Variants in CNTNAP2 observed in about 807,000 individuals in gnomAD.
The protein encoded by CNTNAP2 is contactin associated protein 2.
CNTNAP2 carries 98 observed loss-of-function variants against 155.2 expected under a neutral mutation model. The observed-to-expected ratio is 0.63, with a 90% CI of 0.54 to 0.75. The LOEUF is 0.75. Ranked by LOEUF, CNTNAP2 falls within the 30% of genes least tolerant of loss-of-function variation. The pLI, the probability that CNTNAP2 is intolerant of heterozygous loss-of-function variation, is 0.00. For synonymous variants in CNTNAP2, 651 were observed against 631.2 expected, an observed-to-expected ratio of 1.03 and a Z score of -0.47; for missense variants, 1,727 against 1,688.1, an observed-to-expected ratio of 1.02 and a Z score of -0.40.
At chr7:146,880,102 C>G (rs1332739845) in intron 3 of CNTNAP2, among the ~76,000 whole-genome samples, 2 of 151,946 alleles carry the variant, frequency 1.3e-5, no homozygotes, top group Non-Finnish European at 1.5e-5. Context: ...ATTATGGCAG[C>G]TAAAATTTCA....
intron 1 of CNTNAP2, among the ~76,000 whole-genome samples, chr7:146,561,255 A>G (rs781395847): frequency 3.5e-4 from 54 of 152,166 alleles, no homozygotes; most frequent in Non-Finnish European, 7.5e-4. Context: ...CCCAAAGGTA[A>G]TATCTAAATT....
chr7:146,560,023 A>G (rs1307973804), intron 1 of CNTNAP2, among the ~76,000 whole-genome samples: 1 of 152,184 alleles, frequency 6.6e-6, no homozygotes, highest in Non-Finnish European at 1.5e-5. Flanking sequence ...TCACCAGTTA[A>G]AACACTTTTA....
intron 1 of CNTNAP2, among the ~76,000 whole-genome samples, chr7:146,150,336 T>C (rs959099288): frequency 6.6e-6 from 1 of 152,064 alleles, no homozygotes; most frequent in African/African-American, 2.4e-5. Flanking sequence ...TGAGAATCTC[T>C]TGGGTAATAA....
At chr7:146,569,114 TC>T (rs1051061920) in intron 1 of CNTNAP2, among the ~76,000 whole-genome samples, 2 of 152,182 alleles carry the variant, frequency 1.3e-5, no homozygotes, top group African/African-American at 2.4e-5. Flanking sequence ...CCTCCCGGGT[TC>T]ACGCCATTCT....
Position 146,312,924 on chromosome 7 carries a change from G to A in CNTNAP2, c.97+195951G>A, listed in dbSNP as rs575590909. Among the ~76,000 whole-genome samples, 5 of 152,150 alleles carry A rather than the reference G, an allele frequency of 3.3e-5. No homozygotes were observed. In the East Asian group the frequency reaches 7.7e-4, roughly 24 times the overall value. On this transcript the variant is annotated intron_variant, in intron 1 of 23. Coordinates refer to ENST00000361727, the MANE Select transcript of CNTNAP2 (RefSeq NM_014141.6). ...TTAAGGGTATATAGTATTCCATAGTGTATATATACTGCATTTTCTGTATGC... is the reference window on the plus strand; with the variant it reads ...TTAAGGGTATATAGTATTCCATAGTATATATATACTGCATTTTCTGTATGC...
intron 22 of CNTNAP2, among the ~76,000 whole-genome samples, chr7:148,394,980 C>T (rs1369447881): frequency 3.3e-5 from 5 of 151,986 alleles, no homozygotes; most frequent in Admixed American, 2.0e-4. Flanking sequence ...AGGATAATAC[C>T]CGTTATTTTA....
At chr7:146,141,191 C>T (rs966582008) in intron 1 of CNTNAP2, among the ~76,000 whole-genome samples, 2 of 152,144 alleles carry the variant, frequency 1.3e-5, no homozygotes, top group African/African-American at 4.8e-5. Context: ...CTAAGTGGCA[C>T]AAAGGGCACC....
intron 1 of CNTNAP2, among the ~76,000 whole-genome samples, chr7:146,760,262 G>A (rs1035012293): frequency 1.3e-5 from 2 of 152,084 alleles, no homozygotes; most frequent in South Asian, 4.1e-4. Flanking sequence ...TAAGAAATCA[G>A]TAATTTTTGT....
chr7:146,713,777 A>G (rs1165249638), intron 1 of CNTNAP2, among the ~76,000 whole-genome samples: 1 of 152,174 alleles, frequency 6.6e-6, no homozygotes, highest in East Asian at 1.9e-4. Flanking sequence ...CTCTAGAAGC[A>G]GTAGATTCCT....
chr7:148,018,769 A>G (rs998645152), intron 15 of CNTNAP2, among the ~76,000 whole-genome samples: 14 of 152,236 alleles, frequency 9.2e-5, no homozygotes, highest in African/African-American at 3.1e-4. Context: ...TGGCACAAAC[A>G]GAGTTTGACT....
chr7:148,340,005 G>C lies in CNTNAP2; in HGVS notation c.3476-43644G>C, dbSNP rs1298944364. ...TGTGTGTGTGTGTGTGTGTGTGTGT[G>C]TGTGTAGGCAAAGCTGAGATTTACA... On this transcript the variant is annotated intron_variant, in intron 21 of 23. Coordinates refer to ENST00000361727, the MANE Select transcript of CNTNAP2 (RefSeq NM_014141.6). Among the ~76,000 whole-genome samples, 9 of 149,156 alleles carry C rather than the reference G, an allele frequency of 6.0e-5. 1 individual carries two copies. The highest frequency in any genetic ancestry group is 1.2e-4 in the Non-Finnish European group (8 of 67,380).
chr7:147,280,208 A>G (rs1043122926), intron 8 of CNTNAP2, among the ~76,000 whole-genome samples: 1 of 151,922 alleles, frequency 6.6e-6, no homozygotes, highest in Non-Finnish European at 1.5e-5. Flanking sequence ...CTAGTGACCA[A>G]TTTCTGTTTG....
intron 15 of CNTNAP2, among the ~76,000 whole-genome samples, chr7:148,001,283 G>A (rs1056381397): frequency 6.6e-6 from 1 of 152,212 alleles, no homozygotes; most frequent in African/African-American, 2.4e-5. Context: ...CCCCACAACT[G>A]TGTCTCCTGG....
chr7:148,230,838 C>T (rs2116781130), intron 20 of CNTNAP2, among the ~76,000 whole-genome samples: 1 of 152,274 alleles, frequency 6.6e-6, no homozygotes. Context: ...TCGACAGAGT[C>T]CCAGAGCCCA....
chr7:146,665,788 A>AAAAAAAAAAAAAAAAAAAAAAAAAAAC (rs1328734569), intron 1 of CNTNAP2, among the ~76,000 whole-genome samples: 277 of 142,020 alleles, frequency 2.0e-3, no homozygotes, highest in East Asian at 8.8e-3. Flanking sequence ...CTCATTAAAA[A>AAAAAAAAAAAAAAAAAAAAAAAAAAAC]AAAAAAAAAA....
In CNTNAP2 at chr7:148,217,379, C is replaced by A; in HGVS notation, c.3102C>A (p.Asp1034Glu). The A allele has an allele frequency of 6.2e-7, 1 of 1,614,158 alleles. No homozygotes were observed. The highest frequency in any genetic ancestry group is 8.5e-7 in the Non-Finnish European group (1 of 1,180,034). Residue 1034 changes from aspartate (D) to glutamate (E), a missense_variant, in exon 19 of 24, where the codon GAC (aspartate) becomes GAA (glutamate). Asp to Glu is a conservative substitution (Grantham distance 45). Coordinates refer to ENST00000361727, the MANE Select transcript of CNTNAP2 (RefSeq NM_014141.6). ...TNARDSSSRVDNAPDQQNSHP... is the reference protein window; with the variant it reads ...TNARDSSSRVENAPDQQNSHP... ...CCAGAGACTCCAGCAGCAGAGTAGA[C>A]AACGCTCCCGACCAGCAGAACTCCC...
intron 1 of CNTNAP2, among the ~76,000 whole-genome samples, chr7:146,355,224 A>C (rs1202724015): frequency 6.6e-6 from 1 of 152,222 alleles, no homozygotes; most frequent in Non-Finnish European, 1.5e-5. Context: ...TAACAAGATG[A>C]TAATTTACAT....
chr7:146,182,475 A>G (rs767586766), intron 1 of CNTNAP2, among the ~76,000 whole-genome samples: 4 of 152,170 alleles, frequency 2.6e-5, no homozygotes, highest in Non-Finnish European at 4.4e-5. Context: ...CTGGTTCATC[A>G]CACTTCCCCA....
At chr7:146,710,678 T>C (rs953287631) in intron 1 of CNTNAP2, among the ~76,000 whole-genome samples, 3 of 152,100 alleles carry the variant, frequency 2.0e-5, no homozygotes, top group Admixed American at 2.0e-4. Flanking sequence ...TCCTCTCTTA[T>C]TTAGTCTTTT....
Sources: allele counts gnomAD v4.1 joint callset (sites outside exome capture counted in the v4.1 genomes callset), GRCh38; gene constraint gnomAD v4.1.1; transcripts MANE v1.5; gene names NCBI Gene and HGNC (gene_info 2026-07-23, HGNC 2026-07-21).